The following NRG3 variants were observed in gnomAD, a reference collection of about 807,000 sequenced individuals.
The protein encoded by NRG3 is pro-neuregulin-3, membrane-bound isoform.
A neutral mutation model predicts 66.9 loss-of-function variants in NRG3; 31 were observed. That is an observed-to-expected ratio of 0.46 (90% confidence interval 0.35 to 0.63). NRG3 has a LOEUF of 0.63. NRG3 is among the 20% of genes least tolerant of loss of function. The pLI, the probability that NRG3 is intolerant of heterozygous loss-of-function variation, is 0.00. For missense variants in NRG3, 910 were observed against 878.9 expected, an observed-to-expected ratio of 1.04 and a Z score of -0.45; for synonymous variants, 393 against 359.4, an observed-to-expected ratio of 1.09 and a Z score of -1.06.
chr10:81,991,764 G>T (rs148769975), intron 1 of NRG3, among the ~76,000 whole-genome samples: 16 of 152,126 alleles, frequency 1.1e-4, no homozygotes, highest in Non-Finnish European at 2.2e-4. Flanking sequence ...TCTGAACAAA[G>T]TTAATTCAGT....
chr10:82,497,587 A>ATGTG (rs147359186), intron 2 of NRG3, among the ~76,000 whole-genome samples: 4 of 150,936 alleles, frequency 2.7e-5, no homozygotes, highest in Non-Finnish European at 5.9e-5. Flanking sequence ...GTGTGTGTGT[A>ATGTG]TGTGTGTGTG....
At chr10:82,529,131 T>A (rs1264449012) in intron 2 of NRG3, among the ~76,000 whole-genome samples, 1 of 152,250 alleles carries the variant, frequency 6.6e-6, no homozygotes, top group Non-Finnish European at 1.5e-5. Flanking sequence ...TCTTTCCAAA[T>A]GCATCATAGC....
chr10:81,877,134 C>T (rs6584384), intron 1 of NRG3, among the ~76,000 whole-genome samples: 2,330 of 152,198 alleles, frequency 0.015, 45 homozygotes, highest in African/African-American at 0.053. Flanking sequence ...GCCAGTATAC[C>T]CAAAGCATGA....
chr10:82,279,603 C>T (rs1440521298), intron 1 of NRG3, among the ~76,000 whole-genome samples: 1 of 152,138 alleles, frequency 6.6e-6, no homozygotes, highest in Non-Finnish European at 1.5e-5. Context: ...CATTAATGCA[C>T]TTAGGGATGT....
rs1384543287 is a variant in NRG3, at chr10:82,599,577, G to A, written c.954-139000G>A. ...CGCCTGTAATCTCAGCACTTTGGGAGACCGAGGCAAGTGTATCATTGAGTT... is the reference window on the plus strand; with the variant it reads ...CGCCTGTAATCTCAGCACTTTGGGAAACCGAGGCAAGTGTATCATTGAGTT... On this transcript the variant is annotated intron_variant, in intron 2 of 8. Coordinates refer to ENST00000372141, the MANE Select transcript of NRG3 (RefSeq NM_001010848.4). Among the ~76,000 whole-genome samples, 4 of 152,318 alleles carry A rather than the reference G, an allele frequency of 2.6e-5. 1 individual carries two copies. Among genetic ancestry groups the A allele is most frequent in the Admixed American group, 2.0e-4 (3 of 15,296 alleles).
chr10:82,904,980 G>T (rs1481973777), intron 4 of NRG3, among the ~76,000 whole-genome samples: 1 of 152,086 alleles, frequency 6.6e-6, no homozygotes, highest in Non-Finnish European at 1.5e-5. Context: ...TTTATAGTAT[G>T]CCTGACAAGT....
chr10:82,513,280 A>AT (rs1323736813), intron 2 of NRG3, among the ~76,000 whole-genome samples: 2 of 152,212 alleles, frequency 1.3e-5, no homozygotes, highest in African/African-American at 4.8e-5. Flanking sequence ...TGCAAAGGAC[A>AT]TGACTTCATT....
Position 82,920,848 on chromosome 10 carries a change from A to G in NRG3, c.1055-30621A>G, listed in dbSNP as rs1247065698. Among the ~76,000 whole-genome samples the G allele has an allele frequency of 3.9e-5, 6 of 152,314 alleles. No individual in the cohort carries two copies. The South Asian group carries it at 1.2e-3, about 32-fold the overall frequency. ...ATTGGACTGTAACCCAGTGTATTAA[A>G]TGGAAATCCATGTGCATATGTTGGT... On this transcript the variant is annotated intron_variant, in intron 4 of 8. Coordinates refer to ENST00000372141, the MANE Select transcript of NRG3 (RefSeq NM_001010848.4).
chr10:82,590,200 A>G (rs1160640784), intron 2 of NRG3, among the ~76,000 whole-genome samples: 6 of 152,216 alleles, frequency 3.9e-5, no homozygotes, highest in Admixed American at 6.5e-5. Flanking sequence ...GGTTAGGCAG[A>G]TATTTTATTT....
At chr10:81,990,668 G>T (rs950298359) in intron 1 of NRG3, among the ~76,000 whole-genome samples, 1 of 152,000 alleles carries the variant, frequency 6.6e-6, no homozygotes, top group African/African-American at 2.4e-5. Context: ...CTACTATGCT[G>T]GAAGGTTTTC....
At chr10:82,593,944 A>G (rs2047127803) in intron 2 of NRG3, among the ~76,000 whole-genome samples, 1 of 152,036 alleles carries the variant, frequency 6.6e-6, no homozygotes. Flanking sequence ...TTAAAAGAAT[A>G]TTTTTTAAGA....
chr10:82,778,082 C>A (rs1273100115), intron 3 of NRG3, among the ~76,000 whole-genome samples: 1 of 152,160 alleles, frequency 6.6e-6, no homozygotes, highest in Non-Finnish European at 1.5e-5. Flanking sequence ...AATACAGCTG[C>A]TCTGCTGGAC....
Position 82,069,417 on chromosome 10 carries a change from T to G in NRG3, c.823+193254T>G, listed in dbSNP as rs79657292. ...CTTACTCATCTCTTCTTACAATGGGTGAGGCACCGGGCACACATGAGCGTA... is the reference window on the plus strand; with the variant it reads ...CTTACTCATCTCTTCTTACAATGGGGGAGGCACCGGGCACACATGAGCGTA... On this transcript the variant is annotated intron_variant, in intron 1 of 8. Transcript: ENST00000372141. Among the ~76,000 whole-genome samples the G allele has an allele frequency of 9.1e-3, 1,392 of 152,280 alleles. 25 individuals carry two copies. Among genetic ancestry groups the G allele is most frequent in the African/African-American group, 0.031 (1,304 of 41,560 alleles).
intron 1 of NRG3, among the ~76,000 whole-genome samples, chr10:82,067,701 G>T (rs965858542): frequency 2.0e-5 from 3 of 152,178 alleles, no homozygotes; most frequent in Non-Finnish European, 4.4e-5. Context: ...GTGTTTTTCA[G>T]AGAGGAACCA....
In NRG3 at chr10:82,104,292, C is replaced by CA. The variant is rs59102334; in HGVS notation, c.823+228130dup. Among the ~76,000 whole-genome samples, 415 of 152,274 alleles carry CA rather than the reference C, an allele frequency of 2.7e-3. 3 individuals are homozygous for CA. Among genetic ancestry groups the CA allele is most frequent in the African/African-American group, 9.7e-3 (404 of 41,556 alleles). On this transcript the variant is annotated intron_variant, in intron 1 of 8. Transcript: ENST00000372141. ...TAAATTAAAGAATGTGTTAGCTATA[C>CA]AGCCATGAGATGCTGGCCGCTTAAT...
At chr10:81,990,659 T>C (rs1453076768) in intron 1 of NRG3, among the ~76,000 whole-genome samples, 1 of 152,140 alleles carries the variant, frequency 6.6e-6, no homozygotes, top group Non-Finnish European at 1.5e-5. Context: ...TTTTTTACTC[T>C]ACTATGCTGG....
chr10:82,698,016 T>G (rs900604196), intron 2 of NRG3, among the ~76,000 whole-genome samples: 4 of 152,122 alleles, frequency 2.6e-5, no homozygotes, highest in African/African-American at 9.7e-5. Flanking sequence ...ACAGCTAAAT[T>G]TATCAAGGCA....
At chr10:82,119,686 T>C (rs1434211029) in intron 1 of NRG3, among the ~76,000 whole-genome samples, 2 of 152,148 alleles carry the variant, frequency 1.3e-5, no homozygotes, top group African/African-American at 2.4e-5. Flanking sequence ...ACCACTTGAA[T>C]TTGGACAAAT....
intron 1 of NRG3, among the ~76,000 whole-genome samples, chr10:81,943,864 C>T (rs549726128): frequency 3.9e-5 from 6 of 152,276 alleles, no homozygotes; most frequent in Admixed American, 2.0e-4. Context: ...CTTCCACCTC[C>T]AAGAGGAAAG....
Sources: gnomAD v4.1 joint callset for allele counts (sites outside exome capture counted in the v4.1 genomes callset) on GRCh38, gnomAD v4.1.1 for gene constraint, MANE v1.5 for transcripts, NCBI Gene and HGNC (gene_info 2026-07-23, HGNC 2026-07-21) for gene names.